CBFA2T2: variants seen among roughly 807,000 people sequenced by gnomAD.
CBFA2T2 encodes the protein CBFA2/RUNX1 partner transcriptional co-repressor 2.
A neutral mutation model predicts 62.2 loss-of-function variants in CBFA2T2; 11 were observed. The ratio of observed to expected loss-of-function variants is 0.18; its 90% CI spans 0.11 to 0.29. The LOEUF is 0.29. Among genes scored for constraint, CBFA2T2 ranks in the 10% least tolerant of loss-of-function variants. The pLI, the probability that CBFA2T2 is intolerant of heterozygous loss-of-function variation, is 1.00. For synonymous variants in CBFA2T2, 295 were observed against 287.5 expected (o/e 1.03, Z -0.27); for missense variants, 592 against 774.1 (o/e 0.76, Z 2.79).
chr20:33,604,392 G>T (rs182727859), intron 1 of CBFA2T2, among the ~76,000 whole-genome samples: 35 of 152,312 alleles, frequency 2.3e-4, no homozygotes, highest in Non-Finnish European at 4.3e-4. Context: ...CTAGAAAGGT[G>T]AAATGAATTG....
At chr20:33,594,359 C>T (rs2014795776) in intron 1 of CBFA2T2, among the ~76,000 whole-genome samples, 1 of 152,020 alleles carries the variant, frequency 6.6e-6, no homozygotes. Flanking sequence ...GTAGCTGGGA[C>T]TACAGGCGTC....
At position 33,490,222 on chromosome 20, in the gene CBFA2T2, C is replaced by T. The variant is rs748909454; in HGVS notation, c.-46C>T. 3.3e-6 allele frequency: 4 copies of T among 1,221,724 alleles called. No individual in the cohort carries two copies. Among genetic ancestry groups the T allele is most frequent in the Non-Finnish European group, 3.1e-6 (3 of 981,500 alleles). 75.7% of individuals were successfully genotyped at this position (1,221,724 alleles called of 1,614,324 possible). A position where few individuals can be genotyped will look rare whatever the true frequency, so the allele number is the denominator to read the frequency against. On this transcript the variant is annotated 5_prime_UTR_variant, in exon 1 of 11. Transcript: ENST00000342704. The stretch of plus-strand genomic sequence containing the variant: ...AGGCGGGCGGCGCCTGCGAGGGACC[C>T]GTGTCGCGGGTAGAGGCGGGCGGCG...
rs183337548 is a variant in CBFA2T2, at chr20:33,611,293, T to C, written c.378T>C (p.Pro126=). ...TLQQFGNDIS[P]EIGEKVRTLV... ...AACAGTTTGGCAATGACATCTCCCC[T>C]GAGATTGGGGAGAAGGTGCGGACTC... The change falls in exon 3 of 11, where the codon CCT becomes CCC. Residue 126 remains proline, a synonymous_variant. Transcript: ENST00000342704. 4 of 1,611,666 alleles carry C rather than the reference T, an allele frequency of 2.5e-6. No individual in the cohort carries two copies. The Admixed American group carries it at 5.0e-5, about 20-fold the overall frequency.
At chr20:33,537,452 G>A (rs926105173) in intron 1 of CBFA2T2, among the ~76,000 whole-genome samples, 1 of 152,214 alleles carries the variant, frequency 6.6e-6, no homozygotes, top group African/African-American at 2.4e-5. Context: ...GTCCAGCTTC[G>A]GCTGGGCATC....
intron 1 of CBFA2T2, among the ~76,000 whole-genome samples, chr20:33,534,783 AAC>A (rs915464456): frequency 5.9e-5 from 7 of 118,862 alleles, no homozygotes; most frequent in Non-Finnish European, 1.1e-4. Context: ...GAGCAGTCAG[AAC>A]ACACACAGCA....
At chr20:33,638,274 G>A (rs2016701241) in intron 9 of CBFA2T2, among the ~76,000 whole-genome samples, 1 of 152,072 alleles carries the variant, frequency 6.6e-6, no homozygotes, top group Admixed American at 6.6e-5. Context: ...AGCCTGTAAT[G>A]TGCCCAGCCA....
intron 2 of CBFA2T2, among the ~76,000 whole-genome samples, chr20:33,609,770 A>G (rs1049374310): frequency 1.3e-5 from 2 of 152,186 alleles, no homozygotes; most frequent in African/African-American, 4.8e-5. Flanking sequence ...TTTATGATTA[A>G]TAAGTTGGTT....
chr20:33,536,582 G>C lies in CBFA2T2; in HGVS notation c.34+46281G>C, dbSNP rs535431283. Among the ~76,000 whole-genome samples the C allele has an allele frequency of 1.2e-3, 181 of 150,902 alleles. 1 individual carries two copies. Among genetic ancestry groups the C allele is most frequent in the African/African-American group, 4.4e-3 (178 of 40,854 alleles). ...AGGGGCTCCTCACTTCTCAGACGGG[G>C]CGGCTGCCGGGCGGAGGGGCTCCTC... is the stretch of plus-strand genomic sequence containing the variant. On this transcript the variant is annotated intron_variant, in intron 1 of 10. Coordinates refer to ENST00000342704, the MANE Select transcript of CBFA2T2 (RefSeq NM_001032999.3).
At chr20:33,530,006 C>T (rs2012013159) in intron 1 of CBFA2T2, among the ~76,000 whole-genome samples, 1 of 151,836 alleles carries the variant, frequency 6.6e-6, no homozygotes, top group South Asian at 2.1e-4. Context: ...AGGCTGGTCT[C>T]AAAGTCCTGC....
intron 1 of CBFA2T2, among the ~76,000 whole-genome samples, chr20:33,498,170 A>G (rs959853753): frequency 2.0e-5 from 3 of 151,426 alleles, no homozygotes; most frequent in Non-Finnish European, 4.4e-5. Context: ...GGCTCAAGTG[A>G]TCCACCTGCC....
chr20:33,610,963 G>T (rs2015501174), intron 2 of CBFA2T2, 131 bp from the exon 3 acceptor site: 1 of 1,109,560 alleles, frequency 9.0e-7, no homozygotes, highest in African/African-American at 1.6e-5. Flanking sequence ...GACAGAACCA[G>T]TTTTGCATAC....
intron 2 of CBFA2T2, 56 bp downstream of exon 2, chr20:33,607,155 G>C (rs532479957): frequency 1.3e-6 from 2 of 1,559,196 alleles, no homozygotes; most frequent in African/African-American, 2.7e-5. Context: ...GGATCTAAGT[G>C]ACTGACTTGT....
At chr20:33,582,098 A>G (rs1409569146) in intron 1 of CBFA2T2, among the ~76,000 whole-genome samples, 1 of 152,200 alleles carries the variant, frequency 6.6e-6, no homozygotes, top group African/African-American at 2.4e-5. Context: ...TTGCCCAGCT[A>G]CATCATGAAC....
Position 33,648,340 on chromosome 20 carries a change from T to C in CBFA2T2, c.*3694T>C, listed in dbSNP as rs1406316677. 1 of 152,206 alleles carries C rather than the reference T, an allele frequency of 6.6e-6. No homozygotes were observed. The highest frequency in any genetic ancestry group is 1.9e-4 in the East Asian group (1 of 5,194). The allele number at this position is 152,206 out of a possible 1,614,324, so 9.4% of individuals were successfully genotyped here. ...GGAACACTGATGAGTTGTGGGACATTATGGTCGGCCAAGTGAGGAATGATT... is the reference window on the plus strand; with the variant it reads ...GGAACACTGATGAGTTGTGGGACATCATGGTCGGCCAAGTGAGGAATGATT... On this transcript the variant is annotated 3_prime_UTR_variant, in exon 11 of 11. Transcript: ENST00000342704.
intron 1 of CBFA2T2, among the ~76,000 whole-genome samples, chr20:33,566,797 C>A (rs2013336369): frequency 6.6e-6 from 1 of 152,172 alleles, no homozygotes; most frequent in Admixed American, 6.5e-5. Flanking sequence ...TTAAATTAAA[C>A]TTTATTAAAT....
intron 1 of CBFA2T2, among the ~76,000 whole-genome samples, chr20:33,560,034 A>G (rs983237156): frequency 5.9e-5 from 9 of 152,178 alleles, no homozygotes; most frequent in African/African-American, 1.9e-4. Context: ...TAGAAGTGAA[A>G]GACCCACCTT....
chr20:33,495,162 C>T (rs949127041), intron 1 of CBFA2T2, among the ~76,000 whole-genome samples: 4 of 151,736 alleles, frequency 2.6e-5, no homozygotes, highest in African/African-American at 9.7e-5. Flanking sequence ...TTTGGAAGGT[C>T]GAGGTGGGCG....
intron 1 of CBFA2T2, among the ~76,000 whole-genome samples, chr20:33,537,346 G>T (rs1322771766): frequency 6.6e-6 from 1 of 152,244 alleles, no homozygotes; most frequent in Admixed American, 6.5e-5. Flanking sequence ...AACCAGTCAG[G>T]CGTGGCAGCG....
chr20:33,555,999 G>C (rs2012886855), intron 1 of CBFA2T2, among the ~76,000 whole-genome samples: 1 of 152,190 alleles, frequency 6.6e-6, no homozygotes, highest in Non-Finnish European at 1.5e-5. Context: ...CTGAATACTT[G>C]GGAATATAGG....
Sources: gnomAD v4.1 joint callset for allele counts (sites outside exome capture counted in the v4.1 genomes callset) on GRCh38, gnomAD v4.1.1 for gene constraint, MANE v1.5 for transcripts, NCBI Gene and HGNC (gene_info 2026-07-23, HGNC 2026-07-21) for gene names.